Variants in MDM4 observed in about 807,000 individuals in gnomAD.
MDM4 encodes the protein MDM4 regulator of p53, also known as protein Mdm4.
In MDM4, 2 loss-of-function variants were observed where a neutral mutation model predicts 60.2. The ratio of observed to expected loss-of-function variants is 0.03; its 90% CI spans 0.01 to 0.10. The LOEUF is 0.10. Among genes scored for constraint, MDM4 ranks in the 10% least tolerant of loss-of-function variants. The pLI, the probability that MDM4 is intolerant of heterozygous loss-of-function variation, is 1.00. For synonymous variants in MDM4, 202 were observed against 198.1 expected (o/e 1.02, Z -0.17); for missense variants, 447 against 577.5 (o/e 0.77, Z 2.32).
At chr1:204,529,191 G>A in intron 3 of MDM4, 1 of 772,410 alleles carries the variant, frequency 1.3e-6, no homozygotes, top group Non-Finnish European at 2.3e-6. Flanking sequence ...CATTTATGTG[G>A]CCTGATTAGG....
intron 4 of MDM4, 55 bp downstream of exon 4, chr1:204,530,872 A>G: frequency 6.2e-7 from 1 of 1,607,400 alleles, no homozygotes; most frequent in Non-Finnish European, 8.5e-7. Context: ...TAGCCACTTA[A>G]TTTCTATGGG....
chr1:204,524,717 C>T (rs1659938347), intron 1 of MDM4, among the ~76,000 whole-genome samples: 1 of 152,232 alleles, frequency 6.6e-6, no homozygotes, highest in South Asian at 2.1e-4. Context: ...GCAGAGGTTA[C>T]AGTGAGCCGA....
rs896494464 is a variant in MDM4, at chr1:204,551,468, T to G, written c.*1786T>G. On this transcript the variant is annotated 3_prime_UTR_variant, in exon 11 of 11. Coordinates refer to ENST00000367182, the MANE Select transcript of MDM4 (RefSeq NM_002393.5). ...ATGGTTGAGAGGCAGCCTCTTTTTT[T>G]TTTTTTTTTTTTTTTTTTTTTTGGA... The G allele has an allele frequency of 0.084, 5,241 of 62,650 alleles. 174 individuals carry two copies. Among genetic ancestry groups the G allele is most frequent in the Non-Finnish European group, 0.15 (4,092 of 26,424 alleles). 3.9% of individuals were successfully genotyped at this position (62,650 alleles called of 1,614,324 possible). A position where few individuals can be genotyped will look rare whatever the true frequency, so the allele number is the denominator to read the frequency against.
rs181667723 is a variant in MDM4 at position 204,552,898 on chromosome 1, G to C, written c.*3216G>C. The C allele has an allele frequency of 2.3e-3, 333 of 144,760 alleles. 1 individual carries two copies. Among genetic ancestry groups the C allele is most frequent in the African/African-American group, 8.1e-3 (313 of 38,624 alleles). 9.0% of individuals were successfully genotyped at this position (144,760 alleles called of 1,614,324 possible). A position where few individuals can be genotyped will look rare whatever the true frequency, so the allele number is the denominator to read the frequency against. On this transcript the variant is annotated 3_prime_UTR_variant, in exon 11 of 11. Coordinates refer to ENST00000367182, the MANE Select transcript of MDM4 (RefSeq NM_002393.5). ...TTTTTTTTTTTTTTTTACTTGAGAT[G>C]GAGTTTTGCTCTTGTCGCCCAGGCT... is the stretch of plus-strand genomic sequence containing the variant.
At chr1:204,528,801 A>G in intron 3 of MDM4, 1 of 1,268,914 alleles carries the variant, frequency 7.9e-7, no homozygotes, top group South Asian at 1.2e-5. Context: ...CTAGGAAGCC[A>G]GGAAAGGTCC....
Position 204,550,914 on chromosome 1 carries a change from CAA to C in MDM4, c.*1234_*1235del, listed in dbSNP as rs1663142209. ...GAAAAAGTCCTGTCATATAAACTGG[CAA>C]AGTCTGTTCTTAATTTAATTAGCCA... On this transcript the variant is annotated 3_prime_UTR_variant, in exon 11 of 11. Coordinates refer to ENST00000367182, the MANE Select transcript of MDM4 (RefSeq NM_002393.5). The C allele has an allele frequency of 5.5e-6, 1 of 182,050 alleles. No homozygotes were observed. Among genetic ancestry groups the C allele is most frequent in the Non-Finnish European group, 1.2e-5 (1 of 85,432 alleles). 11.3% of individuals were successfully genotyped at this position (182,050 alleles called of 1,614,324 possible).
At chr1:204,529,576 G>T in intron 3 of MDM4, 1 of 1,422,060 alleles carries the variant, frequency 7.0e-7, no homozygotes, top group Non-Finnish European at 9.5e-7. Flanking sequence ...CCAGGGGGTA[G>T]CACGCTGCCA....
intron 3 of MDM4, chr1:204,529,133 G>A (rs1660579358): frequency 1.8e-6 from 2 of 1,101,334 alleles, no homozygotes; most frequent in Non-Finnish European, 2.7e-6. Context: ...TGCTGGAAGA[G>A]CTGCTTCCAC....
intron 5 of MDM4, 85 bp downstream of exon 5, chr1:204,532,331 G>A (rs896404151): frequency 1.2e-6 from 1 of 869,092 alleles, no homozygotes. Context: ...AGATGAAGGT[G>A]GAAATGGAAT....
Position 204,552,666 on chromosome 1 carries a change from A to G in MDM4, c.*2984A>G, listed in dbSNP as rs1024703584. The stretch of plus-strand genomic sequence containing the variant: ...AACTTAAGAAGTAAACATTTTACTT[A>G]TGTTTATAGGTATTTGATCCTAAAT... On this transcript the variant is annotated 3_prime_UTR_variant, in exon 11 of 11. Coordinates refer to ENST00000367182, the MANE Select transcript of MDM4 (RefSeq NM_002393.5). 8 of 177,460 alleles carry G rather than the reference A, an allele frequency of 4.5e-5. No homozygotes were observed. Among genetic ancestry groups the G allele is most frequent in the Admixed American group, 3.2e-4 (5 of 15,824 alleles). The allele number at this position is 177,460 out of a possible 1,614,324, so 11.0% of individuals were successfully genotyped here.
chr1:204,535,380 A>G lies in MDM4; in HGVS notation c.344-2050A>G, dbSNP rs1661298272. ...CACCGTGTTAGCCAGGATGGTCTCG[A>G]TCTCCTGACCTCGTGATCTGCCCGC... On this transcript the variant is annotated intron_variant, in intron 5 of 10. Coordinates refer to ENST00000367182, the MANE Select transcript of MDM4 (RefSeq NM_002393.5). 4.0e-5 allele frequency among the ~76,000 whole-genome samples: 6 copies of G among 151,728 alleles called. 1 individual carries two copies. The South Asian group carries it at 1.2e-3, about 32-fold the overall frequency.
At chr1:204,518,540 A>T (rs966434720) in intron 1 of MDM4, among the ~76,000 whole-genome samples, 1 of 152,174 alleles carries the variant, frequency 6.6e-6, no homozygotes, top group Non-Finnish European at 1.5e-5. Context: ...AGGAATACTT[A>T]ATAGGTGTTG....
chr1:204,544,806 A>G, intron 9 of MDM4, 122 bp downstream of exon 9: 1 of 906,704 alleles, frequency 1.1e-6, no homozygotes, highest in Middle Eastern at 3.6e-4. Flanking sequence ...AACTTTAATT[A>G]ATTTTTCAAT....
In MDM4 at chr1:204,551,611, G is replaced by T; in HGVS notation, c.*1929G>T. The T allele has an allele frequency of 4.3e-6, 1 of 230,974 alleles. No homozygotes were observed. The allele number at this position is 230,974 out of a possible 1,614,324, so 14.3% of individuals were successfully genotyped here. ...TATGGAAATTGGACATCTTTAAGTT[G>T]GTTTCCATAGAGCTATGCATGTATC... is the stretch of plus-strand genomic sequence containing the variant. On this transcript the variant is annotated 3_prime_UTR_variant, in exon 11 of 11. Transcript: ENST00000367182.
chr1:204,528,802 G>A, intron 3 of MDM4: 3 of 1,286,006 alleles, frequency 2.3e-6, no homozygotes, highest in East Asian at 4.7e-5. Context: ...TAGGAAGCCA[G>A]GAAAGGTCCC....
At position 204,552,357 on chromosome 1, in the gene MDM4, CTG is replaced by C. The variant is rs1289617403; in HGVS notation, c.*2677_*2678del. 7.6e-6 allele frequency: 1 copy of C among 131,584 alleles called. No individual in the cohort carries two copies. The highest frequency in any genetic ancestry group is 1.6e-5 in the Non-Finnish European group (1 of 62,972). 8.2% of individuals were successfully genotyped at this position (131,584 alleles called of 1,614,324 possible). A position where few individuals can be genotyped will look rare whatever the true frequency, so the allele number is the denominator to read the frequency against. ...TTTTTTTTTTTGAGACAGTCTCACTCTGTTGCCCAGGCTGGAGTGCAATGGCA... is the reference window on the plus strand; with the variant it reads ...TTTTTTTTTTTGAGACAGTCTCACTCTTGCCCAGGCTGGAGTGCAATGGCA... On this transcript the variant is annotated 3_prime_UTR_variant, in exon 11 of 11. Coordinates refer to ENST00000367182, the MANE Select transcript of MDM4 (RefSeq NM_002393.5).
intron 10 of MDM4, 118 bp from the exon 11 acceptor site, chr1:204,548,995 C>A: frequency 1.5e-6 from 1 of 684,464 alleles, no homozygotes. Context: ...AAATCCTAGG[C>A]TAGATCACTG....
At chr1:204,528,180 G>A (rs1572468135) in intron 3 of MDM4, among the ~76,000 whole-genome samples, 1 of 151,942 alleles carries the variant, frequency 6.6e-6, no homozygotes. Context: ...TATTGGCAAG[G>A]AGAGGTGACC....
intron 5 of MDM4, among the ~76,000 whole-genome samples, chr1:204,536,370 A>C (rs1398973892): frequency 6.6e-6 from 1 of 152,246 alleles, no homozygotes. Flanking sequence ...TGTCCACAAA[A>C]ATGTTTCTGG....
Sources: allele counts gnomAD v4.1 joint callset (sites outside exome capture counted in the v4.1 genomes callset), GRCh38; gene constraint gnomAD v4.1.1; transcripts MANE v1.5; gene names NCBI Gene and HGNC (gene_info 2026-07-23, HGNC 2026-07-21).